Variants in EBPL observed in about 807,000 individuals in gnomAD.
EBPL encodes emopamil-binding protein-like.
Under a neutral mutation model 19.0 loss-of-function variants are expected in EBPL, and 20 were observed. The observed-to-expected ratio is 1.05, with a 90% CI of 0.74 to 1.53. EBPL has a LOEUF of 1.53. EBPL is among the 40% of genes most tolerant of loss of function. The pLI, the probability that EBPL is intolerant of heterozygous loss-of-function variation, is 0.00. For missense variants in EBPL, 219 were observed against 261.1 expected (o/e 0.84, Z 1.11); for synonymous variants, 107 against 117.0 (o/e 0.91, Z 0.55).
chr13:49,686,863 A>G (rs979444129), intron 1 of EBPL, among the ~76,000 whole-genome samples: 4 of 152,052 alleles, frequency 2.6e-5, no homozygotes, highest in South Asian at 2.1e-4. Flanking sequence ...TGGCGTAATC[A>G]TATCTCACTG....
At chr13:49,690,440 G>C (rs1408994991) in intron 1 of EBPL, among the ~76,000 whole-genome samples, 1 of 148,052 alleles carries the variant, frequency 6.8e-6, no homozygotes, top group African/African-American at 2.5e-5. Context: ...AAAACAAACT[G>C]ATACTTGGGC....
At chr13:49,688,996 A>T (rs186209035) in intron 1 of EBPL, among the ~76,000 whole-genome samples, 1 of 152,352 alleles carries the variant, frequency 6.6e-6, no homozygotes, top group Non-Finnish European at 1.5e-5. Context: ...AATGACAGAA[A>T]AATGTGTCCA....
chr13:49,690,162 A>C (rs1288002251), intron 1 of EBPL, among the ~76,000 whole-genome samples: 1 of 62,782 alleles, frequency 1.6e-5, no homozygotes, highest in Non-Finnish European at 4.4e-5. Context: ...GAACAACAAC[A>C]AAAAAAAAGA....
chr13:49,672,649 C>T (rs1953830495), intron 1 of EBPL, among the ~76,000 whole-genome samples: 2 of 152,158 alleles, frequency 1.3e-5, no homozygotes, highest in Admixed American at 1.3e-4. Context: ...ATAGACATCT[C>T]ACCGGAAAGT....
intron 1 of EBPL, among the ~76,000 whole-genome samples, chr13:49,689,967 T>G (rs939750443): frequency 6.6e-6 from 1 of 151,996 alleles, no homozygotes. Context: ...CTGGCCAACA[T>G]AGTGAAACCT....
intron 1 of EBPL, among the ~76,000 whole-genome samples, chr13:49,684,885 G>A (rs2407797): frequency 0.65 from 98,911 of 152,008 alleles, 32,854 homozygotes; most frequent in East Asian, 0.75. Context: ...AAAATACCGA[G>A]TATTAGAACT....
intron 2 of EBPL, among the ~76,000 whole-genome samples, chr13:49,666,096 G>A (rs541121854): frequency 2.6e-5 from 4 of 152,342 alleles, no homozygotes; most frequent in South Asian, 4.1e-4. Context: ...GCCACATAGG[G>A]GTTGCACCTG....
chr13:49,679,334 G>GA (rs977862866), intron 1 of EBPL, among the ~76,000 whole-genome samples: 3 of 152,154 alleles, frequency 2.0e-5, no homozygotes, highest in African/African-American at 7.2e-5. Flanking sequence ...CAGCCATCTG[G>GA]AACTAAGATT....
chr13:49,678,443 G>A (rs56006419), intron 1 of EBPL, among the ~76,000 whole-genome samples: 23 of 152,234 alleles, frequency 1.5e-4, no homozygotes, highest in African/African-American at 3.4e-4. Context: ...TGCAAGTTCC[G>A]AGCCCTGCCC....
At chr13:49,673,877 T>G (rs954516943) in intron 1 of EBPL, among the ~76,000 whole-genome samples, 1 of 152,032 alleles carries the variant, frequency 6.6e-6, no homozygotes, top group Non-Finnish European at 1.5e-5. Context: ...CTAGGGATCC[T>G]TGTTAGTGCT....
At chr13:49,672,046 C>T (rs1233894832) in intron 1 of EBPL, among the ~76,000 whole-genome samples, 2 of 152,204 alleles carry the variant, frequency 1.3e-5, no homozygotes, top group African/African-American at 4.8e-5. Context: ...TCCTAAATCT[C>T]CCATGTGGCT....
chr13:49,676,485 G>A (rs1033724550), intron 1 of EBPL, among the ~76,000 whole-genome samples: 1 of 152,104 alleles, frequency 6.6e-6, no homozygotes, highest in Non-Finnish European at 1.5e-5. Flanking sequence ...CCAGCTGCTG[G>A]GGAGGCTGAG....
intron 1 of EBPL, among the ~76,000 whole-genome samples, chr13:49,672,974 C>T (rs1441845856): frequency 1.3e-5 from 2 of 152,040 alleles, no homozygotes; most frequent in African/African-American, 4.8e-5. Flanking sequence ...GCAGGAGAAT[C>T]GCTTGAACCG....
chr13:49,663,218 T>A (rs768880129), intron 2 of EBPL, 23 bp from the exon 3 acceptor site: 4 of 1,610,858 alleles, frequency 2.5e-6, no homozygotes, highest in Non-Finnish European at 1.7e-6. Flanking sequence ...TCCATGTTGT[T>A]ACTCAAATGG....
At chr13:49,688,966 T>G (rs1954031111) in intron 1 of EBPL, among the ~76,000 whole-genome samples, 1 of 152,116 alleles carries the variant, frequency 6.6e-6, no homozygotes, top group African/African-American at 2.4e-5. Context: ...TACAAAGACG[T>G]TGGTAGATGC....
chr13:49,663,699 A>T (rs1594403201), intron 2 of EBPL, among the ~76,000 whole-genome samples: 2 of 152,136 alleles, frequency 1.3e-5, no homozygotes, highest in South Asian at 4.1e-4. Flanking sequence ...ACACTTTGGG[A>T]GGCCAAGGCG....
In EBPL at chr13:49,683,195, G is replaced by A. The variant is rs535439159; in HGVS notation, c.171+8059C>T. Among the ~76,000 whole-genome samples, 406 of 151,854 alleles carry A rather than the reference G, an allele frequency of 2.7e-3. 4 individuals carry two copies. The highest frequency in any genetic ancestry group is 6.8e-3 in the Middle Eastern group (2 of 294). ...TCATCATGTTGGCCAGGCTGGTCTC[G>A]AACTCCCAACCTCAGGTGATCCGCC... On this transcript the variant is annotated intron_variant, in intron 1 of 3. Coordinates refer to ENST00000242827, the MANE Select transcript of EBPL (RefSeq NM_032565.5).
chr13:49,666,489 T>A (rs9535289), intron 2 of EBPL, among the ~76,000 whole-genome samples: 27,985 of 151,824 alleles, frequency 0.18, 3,236 homozygotes, highest in Non-Finnish European at 0.26. Flanking sequence ...GGCGGGTGGA[T>A]CAGTTGAGGT....
At chr13:49,670,314 A>AT (rs1328744525) in intron 1 of EBPL, among the ~76,000 whole-genome samples, 1 of 152,150 alleles carries the variant, frequency 6.6e-6, no homozygotes, top group East Asian at 1.9e-4. Flanking sequence ...CTTCTCCTAT[A>AT]TAAGGGCAAG....
Sources: allele counts gnomAD v4.1 joint callset (sites outside exome capture counted in the v4.1 genomes callset), GRCh38; gene constraint gnomAD v4.1.1; transcripts MANE v1.5; gene names NCBI Gene and HGNC (gene_info 2026-07-23, HGNC 2026-07-21).